The following KLF8 variants were observed in gnomAD, a reference collection of about 807,000 sequenced individuals.
The protein encoded by KLF8 is KLF transcription factor 8.
A neutral mutation model predicts 18.2 loss-of-function variants in KLF8; 10 were observed. The observed-to-expected ratio is 0.55, with a 90% CI of 0.34 to 0.93. The LOEUF (loss-of-function observed/expected upper bound fraction) is 0.93. KLF8 is among the 40% of genes least tolerant of loss of function. The pLI is 0.02. For synonymous variants in KLF8, 109 were observed against 97.3 expected, an observed-to-expected ratio of 1.12 and a Z score of -0.71; for missense variants, 264 against 277.9, an observed-to-expected ratio of 0.95 and a Z score of 0.36.
At chrX:55,959,950 G>A in the KLF8 span, among the ~76,000 whole-genome samples, 2 of 110,563 alleles carry the variant, frequency 1.8e-5, no homozygotes, top group Non-Finnish European at 3.8e-5. Context: ...GTCATCAGAT[G>A]CTCCAGTTAA....
chrX:56,080,517 C>T, the KLF8 span, among the ~76,000 whole-genome samples: 1 of 111,618 alleles, frequency 9.0e-6, no homozygotes, highest in African/African-American at 3.3e-5. Flanking sequence ...CAGAGAGATC[C>T]ACTGTTAGTC....
At chrX:56,020,934 T>C in the KLF8 span, among the ~76,000 whole-genome samples, 2 of 111,975 alleles carry the variant, frequency 1.8e-5, no homozygotes, top group Non-Finnish European at 3.8e-5. Flanking sequence ...TTGTACATAT[T>C]GTTCCCTTTG....
chrX:56,134,360 C>G, the KLF8 span, among the ~76,000 whole-genome samples: 1 of 111,350 alleles, frequency 9.0e-6, no homozygotes, highest in Non-Finnish European at 1.9e-5. Flanking sequence ...AGAAATAAAC[C>G]CAAATACTTA....
At chrX:56,143,634 G>A in the KLF8 span, among the ~76,000 whole-genome samples, 12 of 111,545 alleles carry the variant, frequency 1.1e-4, no homozygotes, top group African/African-American at 3.9e-4. Flanking sequence ...CCATTACCAA[G>A]TTTCACCCCA....
At chrX:56,199,739 C>G in the KLF8 span, among the ~76,000 whole-genome samples, 4 of 111,243 alleles carry the variant, frequency 3.6e-5, no homozygotes, top group Admixed American at 9.6e-5. Context: ...TGATATATAC[C>G]CAAAGGATTA....
chrX:56,121,365 A>G, the KLF8 span, among the ~76,000 whole-genome samples: 1 of 110,823 alleles, frequency 9.0e-6, no homozygotes, highest in African/African-American at 3.3e-5. Context: ...GCAGTTAGAG[A>G]AAAGGGAGAA....
chrX:56,066,445 C>T, the KLF8 span, among the ~76,000 whole-genome samples: 25 of 112,065 alleles, frequency 2.2e-4, no homozygotes, highest in South Asian at 7.4e-3. Flanking sequence ...CAGGTTGGTG[C>T]AGCAGTAGTT....
At chrX:56,136,309 C>A in the KLF8 span, among the ~76,000 whole-genome samples, 1 of 111,331 alleles carries the variant, frequency 9.0e-6, no homozygotes, top group Middle Eastern at 4.2e-3. Context: ...CAATCTAAGC[C>A]AAAAGAACAA....
chrX:56,029,526 G>A, the KLF8 span, among the ~76,000 whole-genome samples: 1 of 111,068 alleles, frequency 9.0e-6, no homozygotes, highest in Non-Finnish European at 1.9e-5. Context: ...TGTTCAGCAC[G>A]GTATTGACCA....
the KLF8 span, among the ~76,000 whole-genome samples, chrX:56,029,144 G>C: frequency 2.7e-5 from 3 of 110,985 alleles, no homozygotes; most frequent in African/African-American, 9.8e-5. Context: ...AGCCCTGGAG[G>C]ATTGTCCTCC....
At chrX:55,965,776 G>A in the KLF8 span, among the ~76,000 whole-genome samples, 10 of 111,846 alleles carry the variant, frequency 8.9e-5, no homozygotes, top group African/African-American at 2.9e-4. Flanking sequence ...GAACTCAATC[G>A]CATTCACAAT....
chrX:55,958,800 T>C, the KLF8 span, among the ~76,000 whole-genome samples: 1 of 112,445 alleles, frequency 8.9e-6, no homozygotes, highest in Admixed American at 9.4e-5. Flanking sequence ...GAAAATATAA[T>C]TAAATACATT....
chrX:55,976,919 A>G, the KLF8 span, among the ~76,000 whole-genome samples: 3 of 111,662 alleles, frequency 2.7e-5, no homozygotes, highest in Non-Finnish European at 5.7e-5. Flanking sequence ...TCTCTTTCAG[A>G]ATTTGTTCTT....
At chrX:56,053,299 T>A in the KLF8 span, among the ~76,000 whole-genome samples, 1 of 112,128 alleles carries the variant, frequency 8.9e-6, no homozygotes, top group Non-Finnish European at 1.9e-5. Flanking sequence ...GTTTTGTTTA[T>A]ATAATGAATC....
At chrX:56,057,246 G>T in the KLF8 span, among the ~76,000 whole-genome samples, 1 of 111,608 alleles carries the variant, frequency 9.0e-6, no homozygotes, top group African/African-American at 3.3e-5. Context: ...TTTTCTTTAT[G>T]CTTAGTTTTT....
the KLF8 span, among the ~76,000 whole-genome samples, chrX:55,922,973 T>A: frequency 8.9e-6 from 1 of 111,914 alleles, no homozygotes; most frequent in East Asian, 2.8e-4. Flanking sequence ...ATCCCATTAC[T>A]GAGTATATAC....
At chrX:56,264,936 T>C (rs1475893888) in intron 2 of KLF8, among the ~76,000 whole-genome samples, 2 of 112,252 alleles carry the variant, frequency 1.8e-5, no homozygotes, top group Admixed American at 1.9e-4. Flanking sequence ...TAAATAATTT[T>C]GCAAGATTAT....
chrX:56,265,351 G>A lies in KLF8; in HGVS notation c.253G>A (p.Glu85Lys). The change falls in exon 3 of 6, where the codon GAA (glutamate) becomes AAA (lysine). Residue 85 changes from glutamate to lysine, a missense_variant. By Grantham distance (56) the Glu-to-Lys change is moderately conservative (BLOSUM62 1). Transcript: ENST00000468660. Reference protein sequence around the residue: ...LASDFSLPQVEPVDLSFHKPK... With the variant: ...LASDFSLPQVKPVDLSFHKPK... ...TAGTGATTTCAGCCTGCCCCAAGTG[G>A]AACCAGTTGACCTCTCCTTTCACAA... 1 of 1,209,574 alleles carries A rather than the reference G, an allele frequency of 8.3e-7. No individual in the cohort carries two copies. The highest frequency in any genetic ancestry group is 1.1e-6 in the Non-Finnish European group (1 of 894,584).
intron 5 of KLF8, among the ~76,000 whole-genome samples, chrX:56,281,772 T>A (rs186570518): frequency 8.9e-6 from 1 of 112,840 alleles, no homozygotes; most frequent in African/African-American, 3.2e-5. Flanking sequence ...ATTCTTTCTC[T>A]GCATATATAC....
Sources: allele counts gnomAD v4.1 joint callset (sites outside exome capture counted in the v4.1 genomes callset), GRCh38; gene constraint gnomAD v4.1.1; transcripts MANE v1.5; gene names NCBI Gene and HGNC (gene_info 2026-07-23, HGNC 2026-07-21).